The following CELF4 variants were observed in gnomAD, a reference collection of about 807,000 sequenced individuals.
The protein encoded by CELF4 is CUG-BP- and ETR-3-like factor 4.
Under a neutral mutation model 59.9 loss-of-function variants are expected in CELF4, and 18 were observed. The ratio of observed to expected loss-of-function variants is 0.30; its 90% CI spans 0.21 to 0.45. The LOEUF is 0.45. Among genes scored for constraint, CELF4 ranks in the 20% least tolerant of loss-of-function variants. The probability of loss-of-function intolerance (pLI) is 1.00; values close to 1 mark genes in which losing one functional copy is unlikely to be tolerated. For missense variants in CELF4, 456 were observed against 689.0 expected (o/e 0.66, Z 3.79); for synonymous variants, 261 against 267.1 (o/e 0.98, Z 0.22).
At chr18:37,274,604 C>G (rs1450257765) in intron 5 of CELF4, 150 bp from the exon 6 acceptor site, 1 of 1,535,664 alleles carries the variant, frequency 6.5e-7, no homozygotes, top group East Asian at 2.3e-5. Flanking sequence ...AGGTGTGAAC[C>G]CCACCGCGGG....
chr18:37,552,087 T>G (rs1184379573), intron 1 of CELF4, among the ~76,000 whole-genome samples: 3 of 152,238 alleles, frequency 2.0e-5, no homozygotes, highest in Non-Finnish European at 4.4e-5. Context: ...GAATCTGGCT[T>G]AGAGCCAGTG....
At chr18:37,417,507 C>A (rs1051566587) in intron 2 of CELF4, among the ~76,000 whole-genome samples, 2 of 152,222 alleles carry the variant, frequency 1.3e-5, no homozygotes, top group Non-Finnish European at 2.9e-5. Flanking sequence ...ACAGCAGACT[C>A]AATGAAGCCC....
intron 3 of CELF4, among the ~76,000 whole-genome samples, chr18:37,300,576 G>A (rs2095956818): frequency 6.6e-6 from 1 of 152,182 alleles, no homozygotes; most frequent in African/African-American, 2.4e-5. Flanking sequence ...TGCGCATTCA[G>A]CCATTCATTT....
intron 1 of CELF4, among the ~76,000 whole-genome samples, chr18:37,558,730 C>G (rs72893132): frequency 0.074 from 11,278 of 151,786 alleles, 684 homozygotes; most frequent in Admixed American, 0.2. Context: ...CAACCGGCTC[C>G]CTGCCACGCC....
chr18:37,429,465 G>A (rs1462104180), intron 2 of CELF4, among the ~76,000 whole-genome samples: 1 of 152,138 alleles, frequency 6.6e-6, no homozygotes, highest in Non-Finnish European at 1.5e-5. Context: ...GTGTATGTGT[G>A]CCTATGTGTG....
intron 9 of CELF4, among the ~76,000 whole-genome samples, chr18:37,265,975 C>T (rs2077354285): frequency 1.3e-5 from 2 of 152,138 alleles, no homozygotes; most frequent in African/African-American, 4.8e-5. Flanking sequence ...GACCCCAGGC[C>T]CTCTGCTCAC....
intron 3 of CELF4, chr18:37,306,354 C>T (rs1040487762): frequency 2.0e-5 from 3 of 152,390 alleles, no homozygotes; most frequent in Non-Finnish European, 2.9e-5. Flanking sequence ...ATGCTAGGGC[C>T]GGGGGCACTG....
chr18:37,359,639 G>A (rs1603627599), intron 2 of CELF4, among the ~76,000 whole-genome samples: 2 of 152,250 alleles, frequency 1.3e-5, no homozygotes, highest in South Asian at 2.1e-4. Context: ...CTCTGTGCTC[G>A]GGAAGTTGTT....
intron 1 of CELF4, among the ~76,000 whole-genome samples, chr18:37,554,906 C>T (rs1429143852): frequency 1.3e-5 from 2 of 152,158 alleles, no homozygotes; most frequent in African/African-American, 4.8e-5. Flanking sequence ...CTTTCCTTCT[C>T]AGTCACTGGG....
intron 2 of CELF4, among the ~76,000 whole-genome samples, chr18:37,430,099 G>T (rs75925408): frequency 0.036 from 5,424 of 152,240 alleles, 209 homozygotes; most frequent in Non-Finnish European, 0.046. Context: ...CACCCCTCTT[G>T]GGGGAGGTAG....
intron 2 of CELF4, among the ~76,000 whole-genome samples, chr18:37,353,682 G>C (rs1167087860): frequency 4.1e-5 from 6 of 145,082 alleles, no homozygotes; most frequent in Non-Finnish European, 7.5e-5. Flanking sequence ...GGGGAATGAT[G>C]AGTTTACCTT....
intron 12 of CELF4, among the ~76,000 whole-genome samples, chr18:37,248,124 G>C (rs1341946838): frequency 4.6e-5 from 7 of 152,080 alleles, no homozygotes; most frequent in Admixed American, 4.6e-4. Flanking sequence ...CCTAGAGAAG[G>C]CTGCAAGGGC....
chr18:37,265,194 CGT>C (rs1304992239), intron 9 of CELF4, among the ~76,000 whole-genome samples: 2 of 144,736 alleles, frequency 1.4e-5, no homozygotes, highest in African/African-American at 2.6e-5. Context: ...TGTACATGCA[CGT>C]GTGTGGGTGT....
intron 2 of CELF4, among the ~76,000 whole-genome samples, chr18:37,452,793 C>G (rs1297673428): frequency 1.3e-5 from 2 of 152,238 alleles, no homozygotes; most frequent in East Asian, 3.9e-4. Flanking sequence ...TTTCTCAACC[C>G]CCAAATGGTT....
chr18:37,540,183 C>T (rs916366217), intron 1 of CELF4, among the ~76,000 whole-genome samples: 3 of 152,118 alleles, frequency 2.0e-5, no homozygotes, highest in African/African-American at 7.2e-5. Flanking sequence ...GGGGTGGGGA[C>T]CCAAGTGCCT....
intron 1 of CELF4, among the ~76,000 whole-genome samples, chr18:37,504,261 C>A (rs1237775872): frequency 1.3e-5 from 2 of 152,048 alleles, no homozygotes; most frequent in African/African-American, 4.8e-5. Flanking sequence ...GAGGCCAAGG[C>A]AGGTGGATCT....
At chr18:37,536,725 T>G (rs866000831) in intron 1 of CELF4, among the ~76,000 whole-genome samples, 10 of 152,074 alleles carry the variant, frequency 6.6e-5, no homozygotes, top group Non-Finnish European at 1.2e-4. Flanking sequence ...CATCTTGCAC[T>G]TGCTCCCTCC....
At chr18:37,303,693 A>G (rs2096224610) in intron 3 of CELF4, among the ~76,000 whole-genome samples, 2 of 152,148 alleles carry the variant, frequency 1.3e-5, no homozygotes, top group South Asian at 4.1e-4. Context: ...ACACAGTTAA[A>G]TTTGGCCCTG....
chr18:37,485,866 A>C (rs1416793130), intron 1 of CELF4: 595 of 207,232 alleles, frequency 2.9e-3, no homozygotes, highest in African/African-American at 8.5e-3. Flanking sequence ...CCCCCACCAC[A>C]CCCCCCTCTC....
Sources: allele counts gnomAD v4.1 joint callset (sites outside exome capture counted in the v4.1 genomes callset), GRCh38; gene constraint gnomAD v4.1.1; transcripts MANE v1.5; gene names NCBI Gene and HGNC (gene_info 2026-07-23, HGNC 2026-07-21).